AFG1L: variants seen among roughly 807,000 people sequenced by gnomAD.
AFG1L encodes AFG1-like ATPase.
In AFG1L, 53 loss-of-function variants were observed where a neutral mutation model predicts 62.2. That is an observed-to-expected ratio of 0.85 (90% CI 0.68 to 1.07). The LOEUF (loss-of-function observed/expected upper bound fraction) is 1.07, where lower values mean the gene tolerates loss of function less well. Ranked by LOEUF, AFG1L falls within the 50% of genes least tolerant of loss-of-function variation. The pLI, the probability that AFG1L is intolerant of heterozygous loss-of-function variation, is 0.00. For missense variants in AFG1L, 555 were observed against 590.5 expected, an observed-to-expected ratio of 0.94 and a Z score of 0.62; for synonymous variants, 228 against 210.3, an observed-to-expected ratio of 1.08 and a Z score of -0.73.
chr6:108,510,383 A>T, intron 11 of AFG1L, 31 bp downstream of exon 11: 1 of 1,562,344 alleles, frequency 6.4e-7, no homozygotes, highest in Non-Finnish European at 8.7e-7. Context: ...CTTAAAACTA[A>T]ACACTTTGTA....
chr6:108,342,650 C>T (rs1179973319), intron 2 of AFG1L, among the ~76,000 whole-genome samples: 1 of 152,000 alleles, frequency 6.6e-6, no homozygotes, highest in Non-Finnish European at 1.5e-5. Flanking sequence ...TTTTAAACCC[C>T]TTAAAATAAT....
intron 8 of AFG1L, among the ~76,000 whole-genome samples, chr6:108,457,358 C>T (rs1485983964): frequency 1.3e-5 from 2 of 151,976 alleles, no homozygotes; most frequent in East Asian, 3.9e-4. Flanking sequence ...TTAATAGTCA[C>T]TTTAGGGCAT....
intron 5 of AFG1L, among the ~76,000 whole-genome samples, chr6:108,364,770 C>T (rs547703107): frequency 2.4e-4 from 36 of 151,450 alleles, no homozygotes; most frequent in African/African-American, 8.2e-4. Context: ...ATATCAGCAC[C>T]ACTTTCCTTT....
Position 108,295,099 on chromosome 6 carries a change from T to C in AFG1L, c.20T>C (p.Leu7Pro), listed in dbSNP as rs144684703. 375 of 1,611,462 alleles carry C rather than the reference T, an allele frequency of 2.3e-4. 1 individual carries two copies. In the African/African-American group the frequency reaches 4.5e-3, roughly 19 times the overall value. ...TTCAAGATGGCGGCCTCCTGGTCGCTCTTGGTTACCCTGCGCCCCTTAGCA... is the reference window on the plus strand; with the variant it reads ...TTCAAGATGGCGGCCTCCTGGTCGCCCTTGGTTACCCTGCGCCCCTTAGCA... MAASWS[L>P]LVTLRPLAQS... The change falls in exon 1 of 13, where the codon CTC (leucine) becomes CCC (proline). Residue 7 changes from leucine (L) to proline (P), a missense_variant. Coordinates refer to ENST00000368977, the MANE Select transcript of AFG1L (RefSeq NM_145315.5).
At position 108,347,159 on chromosome 6, in the gene AFG1L, G is replaced by A. The variant is rs1244057093; in HGVS notation, c.415+120G>A. 5 of 806,684 alleles carry A rather than the reference G, an allele frequency of 6.2e-6. No homozygotes were observed. The Admixed American group carries it at 1.1e-4, about 18-fold the overall frequency. The allele number at this position is 806,684 out of a possible 1,614,324, so 50.0% of individuals were successfully genotyped here. A position where few individuals can be genotyped will look rare whatever the true frequency, so the allele number is the denominator to read the frequency against. On this transcript the variant is annotated intron_variant, in intron 3 of 12. Transcript: ENST00000368977. Reference sequence around the variant, plus strand: ...CCAGCAAGGGAATAGGATGAGGCAGGGTAAGGTAGGGAGAGAAGAAAAGGG... The same window carrying A: ...CCAGCAAGGGAATAGGATGAGGCAGAGTAAGGTAGGGAGAGAAGAAAAGGG...
intron 7 of AFG1L, among the ~76,000 whole-genome samples, chr6:108,410,503 A>C (rs1395727796): frequency 6.6e-6 from 1 of 152,184 alleles, no homozygotes; most frequent in Non-Finnish European, 1.5e-5. Flanking sequence ...AAAATGTGAC[A>C]TCTGGTCAGC....
chr6:108,369,543 G>A (rs1249912596), intron 6 of AFG1L, among the ~76,000 whole-genome samples: 2 of 152,002 alleles, frequency 1.3e-5, no homozygotes, highest in Admixed American at 6.6e-5. Context: ...AGGTGGGAGG[G>A]GGAGAAGAAA....
chr6:108,395,403 C>CTTTTTTTT (rs71551344), intron 6 of AFG1L, among the ~76,000 whole-genome samples: 12 of 122,936 alleles, frequency 9.8e-5, no homozygotes, highest in South Asian at 2.6e-4. Context: ...CTTTTCTTTT[C>CTTTTTTTT]TTTTTTTTTT....
At chr6:108,393,936 A>T (rs1303029074) in intron 6 of AFG1L, among the ~76,000 whole-genome samples, 1 of 152,120 alleles carries the variant, frequency 6.6e-6, no homozygotes, top group African/African-American at 2.4e-5. Flanking sequence ...GACCATTGCC[A>T]CAACTAATAG....
At chr6:108,352,020 G>A (rs1779102715) in intron 3 of AFG1L, among the ~76,000 whole-genome samples, 2 of 152,070 alleles carry the variant, frequency 1.3e-5, no homozygotes, top group Admixed American at 1.3e-4. Context: ...AGTATTGTCT[G>A]TTCACATTGT....
intron 7 of AFG1L, among the ~76,000 whole-genome samples, chr6:108,433,972 C>T (rs1771195130): frequency 6.6e-6 from 1 of 152,208 alleles, no homozygotes; most frequent in African/African-American, 2.4e-5. Context: ...CAGCCTGCAA[C>T]ATGGCCATCC....
At chr6:108,484,634 T>C (rs1244286447) in intron 10 of AFG1L, among the ~76,000 whole-genome samples, 1 of 152,182 alleles carries the variant, frequency 6.6e-6, no homozygotes, top group Non-Finnish European at 1.5e-5. Flanking sequence ...CATGTTCAGA[T>C]AGGTGCAAAA....
At chr6:108,522,113 G>T in intron 12 of AFG1L, 184 bp from the exon 13 acceptor site, 2 of 455,304 alleles carry the variant, frequency 4.4e-6, no homozygotes, top group Non-Finnish European at 8.0e-6. Context: ...TGTGTTTACT[G>T]CCTATCAGTT....
At chr6:108,307,589 T>G (rs1016686365) in intron 1 of AFG1L, among the ~76,000 whole-genome samples, 1 of 152,166 alleles carries the variant, frequency 6.6e-6, no homozygotes, top group Non-Finnish European at 1.5e-5. Context: ...TTTTGTATTT[T>G]TGTAGAGATG....
intron 11 of AFG1L, among the ~76,000 whole-genome samples, chr6:108,512,546 T>G (rs1170203566): frequency 1.3e-5 from 2 of 151,942 alleles, no homozygotes; most frequent in Admixed American, 1.3e-4. Flanking sequence ...TTTACAGGAC[T>G]AGGCTTCAAG....
At chr6:108,308,591 G>C in intron 1 of AFG1L, among the ~76,000 whole-genome samples, 1 of 152,098 alleles carries the variant, frequency 6.6e-6, no homozygotes, top group Non-Finnish European at 1.5e-5. Context: ...ATAGCTCACT[G>C]CAGCCTCAAA....
At chr6:108,443,713 A>G (rs56280123) in intron 7 of AFG1L, among the ~76,000 whole-genome samples, 15,036 of 151,870 alleles carry the variant, frequency 0.099, 1,063 homozygotes, top group African/African-American at 0.2. Flanking sequence ...TGTCTCCACT[A>G]AAAATACAAA....
chr6:108,299,940 CA>C, intron 1 of AFG1L, among the ~76,000 whole-genome samples: 1 of 152,216 alleles, frequency 6.6e-6, no homozygotes, highest in South Asian at 2.1e-4. Flanking sequence ...TAAAAATTAG[CA>C]TATCTGAAAT....
intron 7 of AFG1L, among the ~76,000 whole-genome samples, chr6:108,402,467 TAAAAAAAAAAAAAA>T (rs55775052): frequency 1.1e-5 from 1 of 91,182 alleles, no homozygotes; most frequent in Non-Finnish European, 2.1e-5. Context: ...CCGTCTCGAA[TAAAAAAAAAAAAAA>T]AAAAAAAAAG....
Sources: gnomAD v4.1 joint callset for allele counts (sites outside exome capture counted in the v4.1 genomes callset) on GRCh38, gnomAD v4.1.1 for gene constraint, MANE v1.5 for transcripts, NCBI Gene and HGNC (gene_info 2026-07-23, HGNC 2026-07-21) for gene names.